The following PASD1 variants were observed in gnomAD, a reference collection of about 807,000 sequenced individuals.
The protein encoded by PASD1 is circadian clock protein PASD1.
A neutral mutation model predicts 58.8 loss-of-function variants in PASD1; 13 were observed. The ratio of observed to expected loss-of-function variants is 0.22; its 90% confidence interval spans 0.14 to 0.35. The LOEUF is 0.35. Ranked by LOEUF, PASD1 falls within the 10% of genes least tolerant of loss-of-function variation. The pLI is 1.00. For missense variants in PASD1, 734 were observed against 568.3 expected, an observed-to-expected ratio of 1.29 and a Z score of -2.96; for synonymous variants, 236 against 216.7, an observed-to-expected ratio of 1.09 and a Z score of -0.78.
chrX:151,617,772 G>C (rs763823050), intron 4 of PASD1, among the ~76,000 whole-genome samples: 1 of 111,995 alleles, frequency 8.9e-6, no homozygotes, highest in South Asian at 3.7e-4. Flanking sequence ...ACATGGAATT[G>C]GATGGAGCTT....
At position 151,654,992 on chromosome X, in the gene PASD1, A is replaced by G. The variant is rs757167056; in HGVS notation, c.718-4721A>G. On this transcript the variant is annotated intron_variant, in intron 9 of 15. Coordinates refer to ENST00000370357, the MANE Select transcript of PASD1 (RefSeq NM_173493.3). ...TACATTAGGTATATCTCCTAATGCT[A>G]TCCCTCCCCACTCCCCCCACCCCAT... Among the ~76,000 whole-genome samples, 620 of 109,366 alleles carry G rather than the reference A, an allele frequency of 5.7e-3. 7 individuals are homozygous for G. Among genetic ancestry groups the G allele is most frequent in the South Asian group, 0.026 (64 of 2,430 alleles). 95.0% of individuals were successfully genotyped at this position (109,366 alleles called of 115,157 possible).
At chrX:151,659,617 A>T (rs1250332154) in intron 9 of PASD1, 96 bp from the exon 10 acceptor site, 1 of 854,022 alleles carries the variant, frequency 1.2e-6, no homozygotes, top group Non-Finnish European at 1.6e-6. Context: ...AGAAATTGTG[A>T]TGTGAAATGC....
intron 4 of PASD1, among the ~76,000 whole-genome samples, chrX:151,613,749 G>A (rs182690899): frequency 8.9e-6 from 1 of 111,935 alleles, no homozygotes; most frequent in Non-Finnish European, 1.9e-5. Flanking sequence ...GCTCATCAGA[G>A]AAGATGTTTT....
At chrX:151,647,605 A>T (rs980978091) in intron 8 of PASD1, among the ~76,000 whole-genome samples, 4 of 110,515 alleles carry the variant, frequency 3.6e-5, no homozygotes, top group Admixed American at 1.9e-4. Flanking sequence ...CATGCAAATG[A>T]ATGACTTAAC....
At chrX:151,607,166 A>C (rs2013499224) in intron 3 of PASD1, among the ~76,000 whole-genome samples, 1 of 111,695 alleles carries the variant, frequency 9.0e-6, no homozygotes, top group Admixed American at 9.5e-5. Flanking sequence ...TGCATCTCTA[A>C]GTGATATGTT....
In PASD1 at chrX:151,648,768, T is replaced by C. The variant is rs185989287; in HGVS notation, c.717+66T>C. ...TATCCGTGTGATGTTGATTATTTAG[T>C]TAATGTGTGTTACCAAGAAGTATGT... On this transcript the variant is annotated intron_variant, in intron 9 of 15. Transcript: ENST00000370357. 672 of 1,106,470 alleles carry C rather than the reference T, an allele frequency of 6.1e-4. 2 individuals are homozygous for C. The African/African-American group carries it at 0.011, about 17-fold the overall frequency. 91.2% of individuals were successfully genotyped at this position (1,106,470 alleles called of 1,213,427 possible).
chrX:151,613,307 T>C (rs1416925191), intron 4 of PASD1, among the ~76,000 whole-genome samples: 1 of 110,372 alleles, frequency 9.1e-6, no homozygotes, highest in Non-Finnish European at 1.9e-5. Flanking sequence ...GTGGGCTCTT[T>C]TTTGGTTCCA....
intron 1 of PASD1, among the ~76,000 whole-genome samples, chrX:151,568,040 T>G (rs761175970): frequency 1.8e-5 from 2 of 112,330 alleles, no homozygotes; most frequent in East Asian, 5.6e-4. Context: ...TCATATTTTT[T>G]AATGGAAAAT....
chrX:151,666,615 A>G (rs1324120697), intron 11 of PASD1, among the ~76,000 whole-genome samples: 37 of 92,808 alleles, frequency 4.0e-4, no homozygotes, highest in African/African-American at 1.4e-3. Context: ...ATTCCCACCT[A>G]TGAGTGAGAA....
At position 151,671,093 on chromosome X, in the gene PASD1, T is replaced by A; in HGVS notation, c.1127T>A (p.Leu376Gln). 8.3e-7 allele frequency: 1 copy of A among 1,211,883 alleles called. No homozygotes were observed. The highest frequency in any genetic ancestry group is 1.1e-6 in the Non-Finnish European group (1 of 895,439). Residue 376 changes from leucine (L) to glutamine (Q), a missense_variant, in exon 12 of 16, where the codon CTG becomes CAG. Transcript: ENST00000370357. ...GACATCATTAGCCAGGAACTGGAAC[T>A]GATGAAGAAGTTGAAGGAGCAGCTA... is the stretch of plus-strand genomic sequence containing the variant. The part of the protein sequence containing the change: ...AYDIISQELE[L>Q]MKKLKEQLEE...
chrX:151,651,125 C>G (rs185856945), intron 9 of PASD1, among the ~76,000 whole-genome samples: 75 of 112,086 alleles, frequency 6.7e-4, no homozygotes, highest in African/African-American at 2.3e-3. Flanking sequence ...ACCAGCCATA[C>G]TGGAAATCCT....
rs763461139 is a variant in PASD1, at chrX:151,623,093, G to A, written c.546+29G>A. 1.5e-5 allele frequency: 18 copies of A among 1,198,262 alleles called. No individual in the cohort carries two copies. In the East Asian group the frequency reaches 3.0e-4, roughly 20 times the overall value. ...GGTATACTGTGTTTGTGCTTCCCCC[G>A]CTGTGGCGATGTGGGCTTCCTTTGA... On this transcript the variant is annotated intron_variant, in intron 7 of 15. Coordinates refer to ENST00000370357, the MANE Select transcript of PASD1 (RefSeq NM_173493.3).
chrX:151,567,375 G>A (rs1488915143), intron 1 of PASD1, among the ~76,000 whole-genome samples: 1 of 111,862 alleles, frequency 8.9e-6, no homozygotes, highest in Non-Finnish European at 1.9e-5. Context: ...TAAGGTGCTG[G>A]TGAAGCATCT....
At chrX:151,675,450 C>T (rs1569418353) in intron 15 of PASD1, among the ~76,000 whole-genome samples, 1 of 112,224 alleles carries the variant, frequency 8.9e-6, no homozygotes, top group African/African-American at 3.2e-5. Flanking sequence ...CCTTGGGTTC[C>T]AGTCCTTGAA....
intron 1 of PASD1, among the ~76,000 whole-genome samples, chrX:151,567,581 A>G (rs759687103): frequency 6.3e-5 from 7 of 111,935 alleles, no homozygotes; most frequent in Non-Finnish European, 1.3e-4. Context: ...GTCTCTAGTC[A>G]TGCTGATGTG....
At chrX:151,654,534 G>C (rs1167437012) in intron 9 of PASD1, among the ~76,000 whole-genome samples, 1 of 112,090 alleles carries the variant, frequency 8.9e-6, no homozygotes, top group African/African-American at 3.2e-5. Context: ...TAGCAAAAGA[G>C]ACTTACAAGT....
At chrX:151,582,017 C>T (rs1412260011) in intron 1 of PASD1, among the ~76,000 whole-genome samples, 3 of 76,175 alleles carry the variant, frequency 3.9e-5, no homozygotes, top group African/African-American at 1.6e-4. Context: ...GAAGGAGTCT[C>T]GCTCTGTTGC....
intron 8 of PASD1, among the ~76,000 whole-genome samples, chrX:151,639,677 C>T (rs921906866): frequency 6.3e-5 from 7 of 111,898 alleles, no homozygotes; most frequent in African/African-American, 9.7e-5. Flanking sequence ...ACACTCTCCA[C>T]TTTGCCTTGA....
chrX:151,663,369 AT>A (rs768266315), intron 10 of PASD1, among the ~76,000 whole-genome samples: 1 of 112,487 alleles, frequency 8.9e-6, no homozygotes, highest in East Asian at 2.8e-4. Flanking sequence ...CCACGTTTGC[AT>A]GAATCAACGG....
Sources: allele counts gnomAD v4.1 joint callset (sites outside exome capture counted in the v4.1 genomes callset), GRCh38; gene constraint gnomAD v4.1.1; transcripts MANE v1.5; gene names NCBI Gene and HGNC (gene_info 2026-07-23, HGNC 2026-07-21).